The following TBC1D19 variants were observed in gnomAD, a reference collection of about 807,000 sequenced individuals.
TBC1D19 encodes TBC1 domain family member 19.
A neutral mutation model predicts 89.0 loss-of-function variants in TBC1D19; 60 were observed. The observed-to-expected ratio is 0.67, with a 90% CI of 0.55 to 0.84. The LOEUF (loss-of-function observed/expected upper bound fraction) is 0.84, where lower values mean the gene tolerates loss of function less well. Ranked by LOEUF, TBC1D19 falls within the 40% of genes least tolerant of loss-of-function variation. The pLI is 0.00. For synonymous variants in TBC1D19, 189 were observed against 199.7 expected, an observed-to-expected ratio of 0.95 and a Z score of 0.45; for missense variants, 500 against 610.8, an observed-to-expected ratio of 0.82 and a Z score of 1.91.
intron 13 of TBC1D19, among the ~76,000 whole-genome samples, chr4:26,704,336 G>T (rs1459670392): frequency 2.0e-5 from 3 of 152,110 alleles, no homozygotes; most frequent in Non-Finnish European, 1.5e-5. Context: ...ATTGTCCAAA[G>T]TATATAAGAT....
At chr4:26,835,974 G>GCTCTCTCTCTCTCT in the TBC1D19 span, among the ~76,000 whole-genome samples, 30 of 143,552 alleles carry the variant, frequency 2.1e-4, no homozygotes, top group African/African-American at 7.0e-4. Context: ...CATGTGAAGT[G>GCTCTCTCTCTCTCT]CTCTCTCTCT....
chr4:26,597,634 G>A lies in TBC1D19; in HGVS notation c.99+13342G>A, dbSNP rs145608169. ...CCGCCTCAGCCTCCCAAAGTGCTGG[G>A]ATTGCAGGCGTGAGCCACTGCGCCT... On this transcript the variant is annotated intron_variant, in intron 1 of 20. Transcript: ENST00000264866. Among the ~76,000 whole-genome samples, 843 of 151,682 alleles carry A rather than the reference G, an allele frequency of 5.6e-3. 8 individuals are homozygous for A. The highest frequency in any genetic ancestry group is 0.019 in the African/African-American group (790 of 41,396).
chr4:26,772,450 G>A, the TBC1D19 span, among the ~76,000 whole-genome samples: 2 of 152,146 alleles, frequency 1.3e-5, no homozygotes, highest in African/African-American at 4.8e-5. Flanking sequence ...TGGGTGGGGG[G>A]GAGCCATCTT....
intron 18 of TBC1D19, among the ~76,000 whole-genome samples, chr4:26,748,157 A>G (rs889799294): frequency 3.3e-5 from 5 of 152,246 alleles, no homozygotes; most frequent in Non-Finnish European, 7.3e-5. Flanking sequence ...AATGGGTTTT[A>G]TAAAAGCTGA....
chr4:26,676,833 C>T (rs967836851), intron 11 of TBC1D19, among the ~76,000 whole-genome samples: 1 of 152,004 alleles, frequency 6.6e-6, no homozygotes, highest in African/African-American at 2.4e-5. Context: ...CTCTTTCTGG[C>T]ATTCTTCATT....
intron 7 of TBC1D19, among the ~76,000 whole-genome samples, chr4:26,654,550 T>C (rs1744653934): frequency 1.3e-5 from 2 of 152,188 alleles, no homozygotes; most frequent in Admixed American, 6.5e-5. Context: ...TAGTCCCATA[T>C]TTCTTGGAGG....
At chr4:26,653,129 A>T (rs927094043) in intron 7 of TBC1D19, among the ~76,000 whole-genome samples, 1 of 152,188 alleles carries the variant, frequency 6.6e-6, no homozygotes, top group African/African-American at 2.4e-5. Context: ...TTATGTACCC[A>T]GTAGTCACTC....
At chr4:26,673,474 C>CACACACACACAA (rs371830256) in intron 10 of TBC1D19, among the ~76,000 whole-genome samples, 19 of 147,886 alleles carry the variant, frequency 1.3e-4, no homozygotes, top group African/African-American at 4.2e-4. Context: ...CACACACACA[C>CACACACACACAA]AATACTAGTT....
At chr4:26,604,826 A>G (rs1740873501) in intron 1 of TBC1D19, among the ~76,000 whole-genome samples, 1 of 151,970 alleles carries the variant, frequency 6.6e-6, no homozygotes. Flanking sequence ...GCTTGCAGTG[A>G]GCAGAGATCA....
Position 26,676,070 on chromosome 4 carries a change from C to T in TBC1D19, c.816+2182C>T, listed in dbSNP as rs551782888. On this transcript the variant is annotated intron_variant, in intron 11 of 20. Transcript: ENST00000264866. The stretch of plus-strand genomic sequence containing the variant: ...TGCTAAATTAAAGACAGAAAATGTT[C>T]TTCTACTTTTGCTCTAGGTACTTGC... 1.1e-4 allele frequency among the ~76,000 whole-genome samples: 16 copies of T among 152,260 alleles called. No homozygotes were observed. The South Asian group carries it at 1.7e-3, about 16-fold the overall frequency.
the TBC1D19 span, among the ~76,000 whole-genome samples, chr4:26,841,055 T>A: frequency 1.4e-4 from 22 of 152,262 alleles, no homozygotes; most frequent in African/African-American, 5.3e-4. Flanking sequence ...AGTCAAGGCC[T>A]GGCAACAGTG....
chr4:26,612,055 C>T (rs752270165), intron 1 of TBC1D19, among the ~76,000 whole-genome samples: 5 of 151,980 alleles, frequency 3.3e-5, no homozygotes, highest in Non-Finnish European at 7.4e-5. Context: ...TTTGTTTTCA[C>T]TACATCAGAT....
the TBC1D19 span, among the ~76,000 whole-genome samples, chr4:26,779,179 TAA>T: frequency 6.6e-6 from 1 of 152,218 alleles, no homozygotes; most frequent in Non-Finnish European, 1.5e-5. Flanking sequence ...CTGCTGCTCC[TAA>T]AAGTTTCTGG....
the TBC1D19 span, among the ~76,000 whole-genome samples, chr4:26,846,622 A>G: frequency 2.0e-5 from 3 of 152,182 alleles, no homozygotes; most frequent in Admixed American, 6.5e-5. Context: ...TGTAAATTAT[A>G]TAATTTATTT....
At chr4:26,833,369 A>C in the TBC1D19 span, among the ~76,000 whole-genome samples, 2 of 152,154 alleles carry the variant, frequency 1.3e-5, no homozygotes, top group African/African-American at 4.8e-5. Context: ...TTTAGTGTAT[A>C]TTTCTATGAG....
At chr4:26,729,288 C>T (rs1717512530) in intron 15 of TBC1D19, among the ~76,000 whole-genome samples, 1 of 152,206 alleles carries the variant, frequency 6.6e-6, no homozygotes, top group Non-Finnish European at 1.5e-5. Context: ...ACCAATACTT[C>T]TCTTGCTGCT....
chr4:26,735,520 A>T (rs1377062540), intron 16 of TBC1D19, 33 bp downstream of exon 16: 1 of 1,510,568 alleles, frequency 6.6e-7, no homozygotes, highest in South Asian at 1.2e-5. Flanking sequence ...CATAATGTAC[A>T]CAAAACATAC....
At chr4:26,797,987 A>T in the TBC1D19 span, among the ~76,000 whole-genome samples, 1 of 152,258 alleles carries the variant, frequency 6.6e-6, no homozygotes, top group Non-Finnish European at 1.5e-5. Context: ...TGGCCTAGGC[A>T]AAGAATTTAT....
At chr4:26,633,941 T>C (rs538403631) in intron 4 of TBC1D19, among the ~76,000 whole-genome samples, 1 of 152,284 alleles carries the variant, frequency 6.6e-6, no homozygotes, top group Admixed American at 6.5e-5. Flanking sequence ...TTTACCTTTC[T>C]TTTGCTTTAA....
Sources: allele counts gnomAD v4.1 joint callset (sites outside exome capture counted in the v4.1 genomes callset), GRCh38; gene constraint gnomAD v4.1.1; transcripts MANE v1.5; gene names NCBI Gene and HGNC (gene_info 2026-07-23, HGNC 2026-07-21).